The following ABCA13 variants were observed in gnomAD, a reference collection of about 807,000 sequenced individuals.
ABCA13 encodes ATP-binding cassette sub-family A member 13.
ABCA13 carries 476 observed loss-of-function variants against 478.7 expected under a neutral mutation model. That is an observed-to-expected ratio of 0.99 (90% CI 0.92 to 1.07). The LOEUF is 1.07. ABCA13 is among the 50% of genes least tolerant of loss of function. The pLI, the probability that ABCA13 is intolerant of heterozygous loss-of-function variation, is 0.00. For missense variants in ABCA13, 6,060 were observed against 5,910.6 expected, an observed-to-expected ratio of 1.03 and a Z score of -0.83; for synonymous variants, 2,252 against 2,158.9, an observed-to-expected ratio of 1.04 and a Z score of -1.20.
In ABCA13 at chr7:48,219,343, T is replaced by A; in HGVS notation, c.288-11T>A. ...AAAGAGTTTCACTTGCAGTATTTAT[T>A]CTGTTTAAAGTTTGTCTAGGTTCCA... On this transcript the variant is annotated splice_polypyrimidine_tract_variant and intron_variant, in intron 3 of 61. Coordinates refer to ENST00000435803, the MANE Select transcript of ABCA13 (RefSeq NM_152701.5). 3 of 1,595,032 alleles carry A rather than the reference T, an allele frequency of 1.9e-6. No individual in the cohort carries two copies. The highest frequency in any genetic ancestry group is 2.6e-6 in the Non-Finnish European group (3 of 1,175,446).
intron 55 of ABCA13, among the ~76,000 whole-genome samples, chr7:48,555,156 A>AACATAT (rs1785683422): frequency 6.6e-6 from 1 of 151,888 alleles, no homozygotes; most frequent in Non-Finnish European, 1.5e-5. Context: ...TATATGTTGA[A>AACATAT]ACATCCTTAC....
intron 5 of ABCA13, among the ~76,000 whole-genome samples, chr7:48,224,460 G>A (rs1470803390): frequency 6.6e-6 from 1 of 152,170 alleles, no homozygotes; most frequent in Non-Finnish European, 1.5e-5. Flanking sequence ...AGCATGGCCT[G>A]TGCAGGTCCT....
chr7:48,635,220 CAA>C (rs11364153), intron 59 of ABCA13, among the ~76,000 whole-genome samples: 33,356 of 124,268 alleles, frequency 0.27, 5,168 homozygotes, highest in African/African-American at 0.48. Flanking sequence ...ATTTTGTTGC[CAA>C]AAAAAAAAAA....
chr7:48,427,842 A>G lies in ABCA13; in HGVS notation c.12536A>G (p.His4179Arg), dbSNP rs1227095342. 2 of 1,609,028 alleles carry G rather than the reference A, an allele frequency of 1.2e-6. No individual in the cohort carries two copies. The highest frequency in any genetic ancestry group is 8.5e-7 in the Non-Finnish European group (1 of 1,178,396). Residue 4179 changes from histidine (H) to arginine (R), a missense_variant, in exon 42 of 62, where the codon CAC becomes CGC. Coordinates refer to ENST00000435803, the MANE Select transcript of ABCA13 (RefSeq NM_152701.5). ...GGGACTGAGTCAGAGCTGCAGAACC[A>G]CAGGCCTACAGGACATCTGTCTGGC... The part of the protein sequence containing the change: ...ALGTESELQN[H>R]RPTGHLSGYC...
chr7:48,403,923 T>C (rs766676886), intron 39 of ABCA13, 44 bp downstream of exon 39: 3 of 1,579,930 alleles, frequency 1.9e-6, no homozygotes, highest in Non-Finnish European at 2.6e-6. Context: ...CACAATATTG[T>C]GTTGCAGGAA....
chr7:48,604,165 ATCTTT>A (rs1056574301), intron 58 of ABCA13, among the ~76,000 whole-genome samples: 1 of 151,752 alleles, frequency 6.6e-6, no homozygotes, highest in African/African-American at 2.4e-5. Context: ...TATTTTGTTG[ATCTTT>A]TCAAAAAGCA....
chr7:48,481,858 G>A (rs1828805184), intron 46 of ABCA13, among the ~76,000 whole-genome samples: 1 of 152,090 alleles, frequency 6.6e-6, no homozygotes, highest in Non-Finnish European at 1.5e-5. Flanking sequence ...GCACATCAAA[G>A]ATGTTCAACC....
chr7:48,254,218 G>T (rs1793027824), intron 15 of ABCA13, among the ~76,000 whole-genome samples: 1 of 151,608 alleles, frequency 6.6e-6, no homozygotes, highest in Non-Finnish European at 1.5e-5. Flanking sequence ...AGTATCTATT[G>T]TATGCTTTTC....
chr7:48,315,312 G>A (rs1477580370), intron 26 of ABCA13, among the ~76,000 whole-genome samples: 3 of 152,048 alleles, frequency 2.0e-5, no homozygotes, highest in African/African-American at 4.8e-5. Flanking sequence ...GTCACATGTC[G>A]GGATTTCTGA....
chr7:48,380,304 A>T (rs1362460918), intron 35 of ABCA13, among the ~76,000 whole-genome samples: 1 of 152,238 alleles, frequency 6.6e-6, no homozygotes, highest in East Asian at 1.9e-4. Flanking sequence ...AGCAATCTTC[A>T]CATCTTTTGT....
chr7:48,388,053 T>C, intron 36 of ABCA13, 94 bp downstream of exon 36: 5 of 1,344,670 alleles, frequency 3.7e-6, no homozygotes, highest in South Asian at 1.5e-5. Context: ...CCTTTTCAAG[T>C]GTGTGCTGAT....
In ABCA13 at chr7:48,645,378, A is replaced by T. The variant is rs1795378780; in HGVS notation, c.15082-39A>T. 4 of 1,475,202 alleles carry T rather than the reference A, an allele frequency of 2.7e-6. No homozygotes were observed. The Admixed American group carries it at 7.9e-5, about 29-fold the overall frequency. 91.4% of individuals were successfully genotyped at this position (1,475,202 alleles called of 1,614,324 possible). A position where few individuals can be genotyped will look rare whatever the true frequency, so the allele number is the denominator to read the frequency against. On this transcript the variant is annotated intron_variant, in intron 61 of 61. Coordinates refer to ENST00000435803, the MANE Select transcript of ABCA13 (RefSeq NM_152701.5). ...CTAATAAGTGAGACCAAAGGGTTGT[A>T]TTCTTATAAGTAAACAACATTTTTA...
intron 59 of ABCA13, among the ~76,000 whole-genome samples, chr7:48,616,258 G>C (rs1413956842): frequency 6.6e-6 from 1 of 152,176 alleles, no homozygotes; most frequent in African/African-American, 2.4e-5. Context: ...TAGGGAGTGA[G>C]TGTCCATTTT....
intron 4 of ABCA13, 65 bp downstream of exon 4, chr7:48,219,570 G>A (rs949102738): frequency 3.9e-6 from 6 of 1,535,662 alleles, no homozygotes; most frequent in Non-Finnish European, 5.2e-6. Context: ...AGCTGTGGAG[G>A]CTATGAGAAC....
At chr7:48,237,237 AG>A (rs1403881689) in intron 8 of ABCA13, among the ~76,000 whole-genome samples, 1 of 152,094 alleles carries the variant, frequency 6.6e-6, no homozygotes, top group Non-Finnish European at 1.5e-5. Context: ...CTGAGCAGCA[AG>A]GGATTATAGA....
At chr7:48,640,884 C>G (rs1169724996) in intron 59 of ABCA13, among the ~76,000 whole-genome samples, 2 of 152,130 alleles carry the variant, frequency 1.3e-5, no homozygotes, top group African/African-American at 4.8e-5. Context: ...TAGAGAGATC[C>G]TGAGTAACCT....
chr7:48,521,410 A>G (rs1832536759), intron 53 of ABCA13, among the ~76,000 whole-genome samples: 1 of 152,194 alleles, frequency 6.6e-6, no homozygotes, highest in East Asian at 1.9e-4. Flanking sequence ...CCTTTCAGCC[A>G]TTTCCTGACA....
rs756796236 is a variant in ABCA13, at chr7:48,313,092, G to C, written c.9542G>C (p.Gly3181Ala). Residue 3181 changes from glycine to alanine, a missense_variant, in exon 25 of 62, where the codon GGC (glycine) becomes GCC (alanine). Around this residue, in one of 3 missense-constraint regions of ABCA13, gnomAD observed 4,423 missense variants for 4,309.1 expected, o/e 1.03. Transcript: ENST00000435803. ...YKTLMPSEAN[G>A]LLNSLLDIVS... ...ACTCTGATGCCTTCTGAAGCAAATG[G>C]CTTGCTCAACTCCTTGCTGGATATA... 2 of 1,602,900 alleles carry C rather than the reference G, an allele frequency of 1.2e-6. No homozygotes were observed. The highest frequency in any genetic ancestry group is 1.1e-5 in the South Asian group (1 of 88,770).
intron 17 of ABCA13, among the ~76,000 whole-genome samples, chr7:48,277,772 T>C (rs1232518662): frequency 6.6e-6 from 1 of 152,210 alleles, no homozygotes; most frequent in African/African-American, 2.4e-5. Context: ...AAGAATCACA[T>C]TGTAGTCATT....
Sources: allele counts gnomAD v4.1 joint callset (sites outside exome capture counted in the v4.1 genomes callset), GRCh38; gene constraint gnomAD v4.1.1; regional missense constraint gnomAD v4.1.1; transcripts MANE v1.5; gene names NCBI Gene and HGNC (gene_info 2026-07-23, HGNC 2026-07-21).